MCC: variants seen among roughly 807,000 people sequenced by gnomAD.
MCC encodes MCC regulator of Wnt signaling pathway, also known as colorectal mutant cancer protein.
A neutral mutation model predicts 116.2 loss-of-function variants in MCC; 90 were observed. The observed-to-expected ratio is 0.77, with a 90% confidence interval of 0.65 to 0.92. MCC has a LOEUF of 0.92. MCC is among the 40% of genes least tolerant of loss of function. The probability of loss-of-function intolerance (pLI) is 0.00; values close to 1 mark genes in which losing one functional copy is unlikely to be tolerated. For synonymous variants in MCC, 578 were observed against 510.5 expected (o/e 1.13, Z -1.78); for missense variants, 1,516 against 1,312.2 (o/e 1.16, Z -2.40).
chr5:113,473,541 AAAAACAAAAC>A (rs996829026), intron 1 of MCC, among the ~76,000 whole-genome samples: 1 of 152,134 alleles, frequency 6.6e-6, no homozygotes, highest in Non-Finnish European at 1.5e-5. Context: ...AAACAAAAAC[AAAAACAAAAC>A]AAAACAAAAC....
intron 3 of MCC, among the ~76,000 whole-genome samples, chr5:113,333,827 G>A (rs959689559): frequency 0.12 from 4,814 of 39,912 alleles, 1,203 homozygotes; most frequent in African/African-American, 0.47. Context: ...GTACATATAT[G>A]TATATATGTA....
rs994518985 is a variant in MCC, at chr5:113,337,453, G to A, written c.627+3066C>T. Among the ~76,000 whole-genome samples the A allele has an allele frequency of 3.3e-5, 5 of 152,142 alleles. No homozygotes were observed. The South Asian group carries it at 1.0e-3, about 32-fold the overall frequency. ...GTGGGCTGCAGACTTTCTTTGAAAG[G>A]GGTCTGAATCAGCCCTGGGTGAGGG... is the stretch of plus-strand genomic sequence containing the variant. On this transcript the variant is annotated intron_variant, in intron 3 of 18. Transcript: ENST00000408903.
intron 6 of MCC, among the ~76,000 whole-genome samples, chr5:113,120,751 A>T (rs907677655): frequency 5.9e-5 from 9 of 152,240 alleles, no homozygotes; most frequent in African/African-American, 1.9e-4. Context: ...AGTAAGATAC[A>T]AATGGGGCAA....
At chr5:113,054,641 C>G (rs553692969) in intron 14 of MCC, among the ~76,000 whole-genome samples, 30 of 152,340 alleles carry the variant, frequency 2.0e-4, no homozygotes, top group African/African-American at 7.2e-4. Flanking sequence ...GTGCACAACA[C>G]AGCAATAACC....
chr5:113,172,343 GAAC>G (rs1177126994), intron 3 of MCC, among the ~76,000 whole-genome samples: 1 of 152,188 alleles, frequency 6.6e-6, no homozygotes, highest in Non-Finnish European at 1.5e-5. Flanking sequence ...TTGGAGGTTA[GAAC>G]AACTATTCAG....
At chr5:113,070,439 A>G (rs1259078524) in intron 12 of MCC, among the ~76,000 whole-genome samples, 2 of 152,202 alleles carry the variant, frequency 1.3e-5, no homozygotes, top group Non-Finnish European at 2.9e-5. Flanking sequence ...TTGCTCACCA[A>G]TGAGTGAACT....
At chr5:113,074,369 C>T (rs1239803808) in intron 11 of MCC, among the ~76,000 whole-genome samples, 3 of 152,226 alleles carry the variant, frequency 2.0e-5, no homozygotes, top group African/African-American at 7.2e-5. Flanking sequence ...CACACCAAAA[C>T]CCCATCTGTA....
chr5:113,211,436 A>G (rs1246214915), intron 3 of MCC, among the ~76,000 whole-genome samples: 2 of 152,204 alleles, frequency 1.3e-5, no homozygotes, highest in African/African-American at 4.8e-5. Context: ...TTGATGACAG[A>G]GATATGAAAG....
At chr5:113,157,357 C>T (rs773019442) in intron 3 of MCC, among the ~76,000 whole-genome samples, 9 of 152,310 alleles carry the variant, frequency 5.9e-5, no homozygotes, top group Middle Eastern at 3.4e-3. Context: ...AAAAGGAATA[C>T]GATTTGAATA....
chr5:113,300,437 T>A (rs1766833994), intron 3 of MCC, among the ~76,000 whole-genome samples: 1 of 152,190 alleles, frequency 6.6e-6, no homozygotes, highest in African/African-American at 2.4e-5. Context: ...AGCAGTCTGG[T>A]TAAACTAATT....
At chr5:113,202,535 T>C (rs1762728296) in intron 3 of MCC, among the ~76,000 whole-genome samples, 1 of 152,174 alleles carries the variant, frequency 6.6e-6, no homozygotes, top group South Asian at 2.1e-4. Flanking sequence ...CATGTTCATT[T>C]ATTAGCAGTC....
At position 113,048,606 on chromosome 5, in the gene MCC, T is replaced by G. The variant is rs369113385; in HGVS notation, c.2655+487A>C. ...TTTATTAGTTGTTAATCTTTTACTGTGCCTAATTTATAAATTAAACTTCAA... is the reference window on the plus strand; with the variant it reads ...TTTATTAGTTGTTAATCTTTTACTGGGCCTAATTTATAAATTAAACTTCAA... On this transcript the variant is annotated intron_variant, in intron 16 of 18. Coordinates refer to ENST00000408903, the MANE Select transcript of MCC (RefSeq NM_001085377.2). The G allele has an allele frequency of 9.9e-4, 175 of 176,958 alleles. 1 individual carries two copies. Among genetic ancestry groups the G allele is most frequent in the African/African-American group, 3.8e-3 (162 of 42,622 alleles). 11.0% of individuals were successfully genotyped at this position (176,958 alleles called of 1,614,324 possible). A position where few individuals can be genotyped will look rare whatever the true frequency, so the allele number is the denominator to read the frequency against.
intron 1 of MCC, among the ~76,000 whole-genome samples, chr5:113,483,995 A>G (rs1397904397): frequency 6.6e-6 from 1 of 152,222 alleles, no homozygotes; most frequent in Non-Finnish European, 1.5e-5. Context: ...CTAAATGGTG[A>G]GAACACATGG....
At chr5:113,063,269 G>C (rs1753347605) in intron 14 of MCC, among the ~76,000 whole-genome samples, 1 of 152,230 alleles carries the variant, frequency 6.6e-6, no homozygotes, top group Non-Finnish European at 1.5e-5. Context: ...GAGAAGGTAA[G>C]TAGAAAGGGT....
chr5:113,321,358 A>G (rs1333949813), intron 3 of MCC, among the ~76,000 whole-genome samples: 1 of 152,140 alleles, frequency 6.6e-6, no homozygotes, highest in African/African-American at 2.4e-5. Context: ...CAATTTTTAG[A>G]TCTTGGTTTC....
intron 3 of MCC, among the ~76,000 whole-genome samples, chr5:113,172,946 C>T (rs1185310282): frequency 1.3e-5 from 2 of 151,818 alleles, no homozygotes; most frequent in Non-Finnish European, 2.9e-5. Context: ...AACTTTTTGT[C>T]GTAAATCTAC....
rs553805541 is a variant in MCC, at chr5:113,169,497, T to C, written c.628-18075A>G. On this transcript the variant is annotated intron_variant, in intron 3 of 18. Transcript: ENST00000408903. Reference sequence around the variant, plus strand: ...CCAAGGAATGCTGATGTTTAGATAATTGGGTGGAGATGAGGTGTGCACTGA... The same window carrying C: ...CCAAGGAATGCTGATGTTTAGATAACTGGGTGGAGATGAGGTGTGCACTGA... Among the ~76,000 whole-genome samples the C allele has an allele frequency of 1.6e-4, 25 of 152,132 alleles. 1 individual carries two copies. In the South Asian group the frequency reaches 5.2e-3, roughly 32 times the overall value.
chr5:113,225,910 T>C (rs1224408498), intron 3 of MCC, among the ~76,000 whole-genome samples: 2 of 152,234 alleles, frequency 1.3e-5, no homozygotes, highest in Non-Finnish European at 2.9e-5. Context: ...TGGTGGCTCA[T>C]GACTATAATC....
chr5:113,487,136 C>A (rs79415445), intron 1 of MCC, among the ~76,000 whole-genome samples: 1 of 151,354 alleles, frequency 6.6e-6, no homozygotes, highest in Non-Finnish European at 1.5e-5. Context: ...ATCAAAATTG[C>A]GTTGAGTCCC....
Sources: allele counts gnomAD v4.1 joint callset (sites outside exome capture counted in the v4.1 genomes callset), GRCh38; gene constraint gnomAD v4.1.1; transcripts MANE v1.5; gene names NCBI Gene and HGNC (gene_info 2026-07-23, HGNC 2026-07-21).